Variants in BDNF observed in about 807,000 individuals in gnomAD.
BDNF encodes brain derived neurotrophic factor.
BDNF carries 1 observed loss-of-function variant against 19.5 expected under a neutral mutation model. The ratio of observed to expected loss-of-function variants is 0.05; its 90% CI spans 0.02 to 0.24. The LOEUF is 0.24. Among genes scored for constraint, BDNF ranks in the 10% least tolerant of loss-of-function variants. The probability of loss-of-function intolerance (pLI) is 1.00; values close to 1 mark genes in which losing one functional copy is unlikely to be tolerated. For missense variants in BDNF, 195 were observed against 317.6 expected, an observed-to-expected ratio of 0.61 and a Z score of 2.93; for synonymous variants, 100 against 121.6, an observed-to-expected ratio of 0.82 and a Z score of 1.17.
chr11:27,707,287 C>T (rs1860148313), intron 1 of BDNF, among the ~76,000 whole-genome samples: 3 of 152,186 alleles, frequency 2.0e-5, no homozygotes, highest in South Asian at 4.1e-4. Flanking sequence ...AGTATGTCTC[C>T]ATTATGGCCT....
rs10626744 is a variant in BDNF at position 27,698,226 on chromosome 11, C to CAAAAAAAAAAAA, written c.-22+1926_-22+1937dup. 137 of 80,820 alleles carry CAAAAAAAAAAAA rather than the reference C, an allele frequency of 1.7e-3. 29 individuals are homozygous for CAAAAAAAAAAAA. Among genetic ancestry groups the CAAAAAAAAAAAA allele is most frequent in the East Asian group, 2.9e-3 (6 of 2,058 alleles). The allele number at this position is 80,820 out of a possible 1,614,324, so 5.0% of individuals were successfully genotyped here. On this transcript the variant is annotated intron_variant, in intron 1 of 1. Coordinates refer to ENST00000356660, the MANE Select transcript of BDNF (RefSeq NM_001709.5). ...CCTGCTAACCCAGAGGTAAATTTCC[C>CAAAAAAAAAAAA]AAAAAAAAAAAAAAAAAAAAAAAAA...
intron 1 of BDNF, chr11:27,720,666 C>T: frequency 1.0e-6 from 1 of 985,512 alleles, no homozygotes; most frequent in Non-Finnish European, 1.2e-6. Flanking sequence ...CCACCTCGGA[C>T]AAATCCGTTG....
chr11:27,697,137 G>C (rs1244199540), intron 1 of BDNF, among the ~76,000 whole-genome samples: 2 of 120,878 alleles, frequency 1.7e-5, no homozygotes, highest in Non-Finnish European at 3.4e-5. Flanking sequence ...ACACGCGCAC[G>C]TGCACGCACA....
At chr11:27,682,796 TC>T (rs1857012030) in intron 1 of BDNF, among the ~76,000 whole-genome samples, 1 of 152,220 alleles carries the variant, frequency 6.6e-6, no homozygotes, top group Admixed American at 6.5e-5. Context: ...ATTTTCTTTA[TC>T]CAGTCTATCA....
At chr11:27,661,714 C>T (rs1853472009) in intron 1 of BDNF, among the ~76,000 whole-genome samples, 1 of 152,198 alleles carries the variant, frequency 6.6e-6, no homozygotes, top group Admixed American at 6.5e-5. Flanking sequence ...CTGCCCTCAC[C>T]CTTCTTAGCT....
intron 1 of BDNF, among the ~76,000 whole-genome samples, chr11:27,697,132 CGCACGT>C (rs1310609013): frequency 2.2e-4 from 31 of 142,766 alleles, no homozygotes; most frequent in African/African-American, 6.3e-4. Context: ...TACACACACG[CGCACGT>C]GCACGCACAC....
intron 1 of BDNF, among the ~76,000 whole-genome samples, chr11:27,668,414 G>A (rs1425391047): frequency 6.6e-6 from 1 of 152,062 alleles, no homozygotes. Flanking sequence ...TAAGATCAGA[G>A]TAGAACTGAA....
intron 1 of BDNF, chr11:27,674,534 C>T: frequency 1.0e-6 from 1 of 985,284 alleles, no homozygotes; most frequent in South Asian, 4.7e-5. Flanking sequence ...ATTCAAGAAA[C>T]TGGCTGTACT....
At chr11:27,713,893 T>C (rs1351421465) in intron 1 of BDNF, among the ~76,000 whole-genome samples, 1 of 152,218 alleles carries the variant, frequency 6.6e-6, no homozygotes, top group East Asian at 1.9e-4. Context: ...AATCCAGAGG[T>C]TGCATGTTAC....
At chr11:27,689,208 G>A (rs61888763) in intron 1 of BDNF, among the ~76,000 whole-genome samples, 2 of 152,098 alleles carry the variant, frequency 1.3e-5, no homozygotes, top group African/African-American at 4.8e-5. Context: ...TGCAGGTTTT[G>A]GTTATAGACA....
chr11:27,695,790 A>C (rs1482140502), intron 1 of BDNF, among the ~76,000 whole-genome samples: 1 of 151,810 alleles, frequency 6.6e-6, no homozygotes, highest in Admixed American at 6.6e-5. Context: ...ATCAATCTAT[A>C]AATGAGACAT....
At chr11:27,663,741 A>G (rs1004030569) in intron 1 of BDNF, among the ~76,000 whole-genome samples, 8 of 152,148 alleles carry the variant, frequency 5.3e-5, no homozygotes, top group Non-Finnish European at 7.4e-5. Context: ...AGCCACAGAG[A>G]AGAGAGTGGC....
At position 27,657,914 on chromosome 11, in the gene BDNF, G is replaced by A. The variant is rs1852784648; in HGVS notation, c.651C>T (p.Ala217=). The A allele has an allele frequency of 6.2e-7, 1 of 1,614,090 alleles. No individual in the cohort carries two copies. Among genetic ancestry groups the A allele is most frequent in the Non-Finnish European group, 8.5e-7 (1 of 1,180,020 alleles). Residue 217 remains alanine, a synonymous_variant, in exon 2 of 2, where the codon GCC becomes GCT. Coordinates refer to ENST00000356660, the MANE Select transcript of BDNF (RefSeq NM_001709.5). This position sits in a 1 kb window ranked among gnomAD's most constrained non-coding sequence, Gnocchi z 5.0. ...TTCTCTTTTTGCTATCCATGGTAAG[G>A]GCCCGCACGTACGACTGGGTAGTTC... ...QCRTTQSYVR[A]LTMDSKKRIG...
intron 1 of BDNF, among the ~76,000 whole-genome samples, chr11:27,716,440 TACAC>T (rs895793513): frequency 9.3e-5 from 8 of 86,474 alleles, no homozygotes; most frequent in Non-Finnish European, 1.9e-4. Flanking sequence ...CACACGCCCA[TACAC>T]ACACACACAC....
chr11:27,669,693 C>G (rs1030402967), intron 1 of BDNF, among the ~76,000 whole-genome samples: 4 of 152,156 alleles, frequency 2.6e-5, no homozygotes, highest in African/African-American at 9.7e-5. Flanking sequence ...AGGAATCCAA[C>G]TTACAAGGGA....
intron 1 of BDNF, among the ~76,000 whole-genome samples, chr11:27,718,361 C>CCCCT (rs1554950428): frequency 1.4e-5 from 2 of 144,158 alleles, no homozygotes; most frequent in Non-Finnish European, 3.1e-5. Flanking sequence ...ACCACCCCCC[C>CCCCT]CCGCCCCTCC....
intron 1 of BDNF, among the ~76,000 whole-genome samples, chr11:27,706,491 G>A (rs983515259): frequency 1.4e-4 from 22 of 152,162 alleles, no homozygotes; most frequent in African/African-American, 5.1e-4. Context: ...CAACCTTAGT[G>A]AAGATGGAGA....
chr11:27,698,988 CG>C (rs1309556223), intron 1 of BDNF, among the ~76,000 whole-genome samples: 1 of 152,096 alleles, frequency 6.6e-6, no homozygotes, highest in Non-Finnish European at 1.5e-5. Flanking sequence ...GACGACGAGT[CG>C]CACGCCCCAC....
chr11:27,671,122 A>C (rs1269081999), intron 1 of BDNF, among the ~76,000 whole-genome samples: 1 of 152,106 alleles, frequency 6.6e-6, no homozygotes. Flanking sequence ...ACACTTGGAC[A>C]CAGGGTGGGG....
Sources: gnomAD v4.1 joint callset for allele counts (sites outside exome capture counted in the v4.1 genomes callset) on GRCh38, gnomAD v4.1.1 for gene constraint, Gnocchi (gnomAD v3.1) non-coding constraint, MANE v1.5 for transcripts, NCBI Gene and HGNC (gene_info 2026-07-23, HGNC 2026-07-21) for gene names.